KCNMA1: variants seen among roughly 807,000 people sequenced by gnomAD.
KCNMA1 encodes potassium calcium-activated channel subfamily M alpha 1.
A neutral mutation model predicts 140.0 loss-of-function variants in KCNMA1; 29 were observed. The ratio of observed to expected loss-of-function variants is 0.21; its 90% CI spans 0.15 to 0.28. The LOEUF (loss-of-function observed/expected upper bound fraction) is 0.28. Ranked by LOEUF, KCNMA1 falls within the 10% of genes least tolerant of loss-of-function variation. The probability of loss-of-function intolerance (pLI) is 1.00; values close to 1 mark genes in which losing one functional copy is unlikely to be tolerated. For missense variants in KCNMA1, 880 were observed against 1,602.2 expected (o/e 0.55, Z 7.70); for synonymous variants, 612 against 611.9 (o/e 1.00, Z 0.00).
chr10:77,358,485 C>T (rs1238455822), intron 2 of KCNMA1, among the ~76,000 whole-genome samples: 1 of 152,132 alleles, frequency 6.6e-6, no homozygotes, highest in Admixed American at 6.6e-5. Flanking sequence ...TACATGGCAC[C>T]AAGACACTGC....
chr10:76,929,078 A>T (rs1338964731), intron 23 of KCNMA1, among the ~76,000 whole-genome samples: 1 of 152,174 alleles, frequency 6.6e-6, no homozygotes, highest in African/African-American at 2.4e-5. Flanking sequence ...AAAAAGTTTC[A>T]ATATCTTAAA....
intron 2 of KCNMA1, among the ~76,000 whole-genome samples, chr10:77,361,896 C>T (rs1476520031): frequency 6.6e-6 from 1 of 152,240 alleles, no homozygotes; most frequent in Non-Finnish European, 1.5e-5. Context: ...CCTCCTCAGC[C>T]TTGCAAATGG....
intron 1 of KCNMA1, among the ~76,000 whole-genome samples, chr10:77,480,673 G>C (rs1413300666): frequency 6.6e-6 from 1 of 152,144 alleles, no homozygotes; most frequent in East Asian, 1.9e-4. Flanking sequence ...CGCAGGGACT[G>C]TTACAGGCGC....
At chr10:77,071,511 A>C (rs1013160522) in intron 14 of KCNMA1, 5 of 152,194 alleles carry the variant, frequency 3.3e-5, no homozygotes, top group African/African-American at 1.2e-4. Flanking sequence ...CATGTTGAAC[A>C]TAAGATCCCT....
intron 15 of KCNMA1, among the ~76,000 whole-genome samples, chr10:77,037,430 T>C (rs534441472): frequency 1.3e-5 from 2 of 152,198 alleles, no homozygotes; most frequent in Non-Finnish European, 2.9e-5. Flanking sequence ...TTTGGAAATA[T>C]CAGCAACTAG....
intron 22 of KCNMA1, among the ~76,000 whole-genome samples, chr10:76,947,359 A>G (rs953475913): frequency 1.3e-5 from 2 of 152,120 alleles, no homozygotes; most frequent in Non-Finnish European, 2.9e-5. Flanking sequence ...ACAAACAAAA[A>G]CAAACAAACA....
intron 1 of KCNMA1, among the ~76,000 whole-genome samples, chr10:77,570,564 A>C: frequency 9.5e-6 from 1 of 105,666 alleles, no homozygotes; most frequent in East Asian, 3.1e-4. Context: ...AGGAAGGGGA[A>C]CATCACACTC....
chr10:77,539,043 A>G (rs944850927), intron 1 of KCNMA1, among the ~76,000 whole-genome samples: 2 of 152,126 alleles, frequency 1.3e-5, no homozygotes, highest in Non-Finnish European at 2.9e-5. Flanking sequence ...ACACACTCCA[A>G]TACAGGCTGG....
chr10:77,531,837 C>T (rs1402651035), intron 1 of KCNMA1, among the ~76,000 whole-genome samples: 1 of 152,216 alleles, frequency 6.6e-6, no homozygotes, highest in Non-Finnish European at 1.5e-5. Context: ...AAGGGACTTG[C>T]CCACGGGCAC....
At chr10:76,915,408 T>A (rs901190952) in intron 23 of KCNMA1, among the ~76,000 whole-genome samples, 1 of 152,072 alleles carries the variant, frequency 6.6e-6, no homozygotes, top group Non-Finnish European at 1.5e-5. Context: ...CTCTGGCCCA[T>A]GAAAAGTGAG....
chr10:76,884,795 G>T, downstream of KCNMA1: 1 of 720,842 alleles, frequency 1.4e-6, no homozygotes, highest in Non-Finnish European at 2.1e-6. Context: ...AGAGGGAAAG[G>T]GGAGGGGGGG....
chr10:76,916,150 A>T (rs1468913776), intron 23 of KCNMA1, among the ~76,000 whole-genome samples: 1 of 152,156 alleles, frequency 6.6e-6, no homozygotes, highest in East Asian at 1.9e-4. Context: ...CTTGCATCTA[A>T]ATCCTCCTGA....
intron 2 of KCNMA1, among the ~76,000 whole-genome samples, chr10:77,392,536 T>A (rs1337933703): frequency 6.6e-6 from 1 of 152,196 alleles, no homozygotes; most frequent in East Asian, 1.9e-4. Flanking sequence ...GCATAACATT[T>A]CCACCTTCAA....
At chr10:77,519,615 C>A (rs1715837792) in intron 1 of KCNMA1, among the ~76,000 whole-genome samples, 1 of 152,192 alleles carries the variant, frequency 6.6e-6, no homozygotes. Flanking sequence ...CTGGCTCCTG[C>A]TGCCATTCCA....
chr10:76,899,725 C>A (rs954490435), intron 25 of KCNMA1, among the ~76,000 whole-genome samples: 1 of 152,014 alleles, frequency 6.6e-6, no homozygotes, highest in Non-Finnish European at 1.5e-5. Flanking sequence ...GGATTTTACT[C>A]AATGAATGAT....
intron 1 of KCNMA1, among the ~76,000 whole-genome samples, chr10:77,467,229 CTG>C (rs759045106): frequency 1.3e-5 from 2 of 152,216 alleles, no homozygotes; most frequent in Non-Finnish European, 2.9e-5. Context: ...GACTCAGTGA[CTG>C]TGTCAGTTTT....
At chr10:77,237,968 A>C (rs2056108997) in intron 3 of KCNMA1, among the ~76,000 whole-genome samples, 1 of 152,024 alleles carries the variant, frequency 6.6e-6, no homozygotes, top group Admixed American at 6.6e-5. Context: ...ATCTCAGGAG[A>C]GTCTCCTTCC....
chr10:76,937,574 C>T (rs765870397), intron 23 of KCNMA1, among the ~76,000 whole-genome samples: 3 of 152,204 alleles, frequency 2.0e-5, no homozygotes, highest in Non-Finnish European at 4.4e-5. Context: ...TTTAGGAAGG[C>T]CCTTTTCGTT....
chr10:76,870,148 A>C (rs2030966534), exon 28 of KCNMA1: 2 of 152,724 alleles, frequency 1.3e-5, no homozygotes, highest in Admixed American at 1.3e-4. Flanking sequence ...GAGGAGAGCG[A>C]GCGCTCTGGG....
Sources: allele counts gnomAD v4.1 joint callset (sites outside exome capture counted in the v4.1 genomes callset), GRCh38; gene constraint gnomAD v4.1.1; transcripts MANE v1.5; gene names NCBI Gene and HGNC (gene_info 2026-07-23, HGNC 2026-07-21).